Variants in GLIS1 observed in about 807,000 individuals in gnomAD.
The protein encoded by GLIS1 is GLIS family zinc finger 1.
Under a neutral mutation model 63.8 loss-of-function variants are expected in GLIS1, and 24 were observed. The ratio of observed to expected loss-of-function variants is 0.38; its 90% CI spans 0.27 to 0.53. The LOEUF (loss-of-function observed/expected upper bound fraction) is 0.53. Ranked by LOEUF, GLIS1 falls within the 20% of genes least tolerant of loss-of-function variation. The probability of loss-of-function intolerance (pLI) is 0.85; values close to 1 mark genes in which losing one functional copy is unlikely to be tolerated. For missense variants in GLIS1, 1,036 were observed against 1,074.1 expected (o/e 0.96, Z 0.50); for synonymous variants, 450 against 482.5 (o/e 0.93, Z 0.88).
intron 2 of GLIS1, among the ~76,000 whole-genome samples, chr1:53,645,400 C>T (rs1645833663): frequency 1.3e-5 from 2 of 152,194 alleles, no homozygotes; most frequent in African/African-American, 2.4e-5. Flanking sequence ...AGACAGGCTT[C>T]TGGAAGAAGA....
At position 53,700,435 on chromosome 1, in the gene GLIS1, G is replaced by A. The variant is rs183971884; in HGVS notation, c.259+37371C>T. ...AGCATCTGTGAAGTGCATACATCTC[G>A]GCCCAAGACAGGCTGTCAGGAAGGA... On this transcript the variant is annotated intron_variant, in intron 2 of 10. Coordinates refer to ENST00000628545, the MANE Select transcript of GLIS1 (RefSeq NM_001367484.1). Among the ~76,000 whole-genome samples the A allele has an allele frequency of 5.2e-3, 784 of 152,206 alleles. 8 individuals carry two copies. The highest frequency in any genetic ancestry group is 0.013 in the African/African-American group (529 of 41,514).
chr1:53,693,979 A>G (rs1646437113), intron 2 of GLIS1, among the ~76,000 whole-genome samples: 2 of 152,232 alleles, frequency 1.3e-5, no homozygotes, highest in African/African-American at 4.8e-5. Context: ...TGCCTGGGCC[A>G]GGCCTGACGG....
rs71063875 is a variant in GLIS1 at position 53,736,990 on chromosome 1, A to AG, written c.259+815dup. Among the ~76,000 whole-genome samples, 476 of 151,672 alleles carry AG rather than the reference A, an allele frequency of 3.1e-3. 3 individuals carry two copies. Among genetic ancestry groups the AG allele is most frequent in the African/African-American group, 6.9e-3 (286 of 41,432 alleles). On this transcript the variant is annotated intron_variant, in intron 2 of 10. Transcript: ENST00000628545. ...TTGGTTTCCCCTAAGGGAAAAAAAA[A>AG]GGGGGGAGGACGAGGACACAGCATC...
chr1:53,594,677 C>A lies in GLIS1; in HGVS notation c.751G>T (p.Ala251Ser). The A allele has an allele frequency of 6.4e-7, 1 of 1,552,144 alleles. No homozygotes were observed. Among genetic ancestry groups the A allele is most frequent in the Non-Finnish European group, 8.7e-7 (1 of 1,146,734 alleles). ...CVLGLPPTSPASSSPCASSDV... is the reference protein window; with the variant it reads ...CVLGLPPTSPSSSSPCASSDV... ...GAGGAGGCACAGGGTGAGGAGGAGG[C>A]TGGGGAGGTGGGGGGTAGGCCCAAG... The change falls in exon 4 of 11, where the codon GCC (alanine) becomes TCC (serine). Residue 251 changes from alanine to serine, a missense_variant. Around this residue, in one of 3 missense-constraint regions of GLIS1, gnomAD observed 592 missense variants for 593.9 expected, o/e 1.00. Coordinates refer to ENST00000628545, the MANE Select transcript of GLIS1 (RefSeq NM_001367484.1).
Position 53,526,923 on chromosome 1 carries a change from G to A in GLIS1, c.1483-2036C>T, listed in dbSNP as rs189018518. Among the ~76,000 whole-genome samples the A allele has an allele frequency of 3.3e-5, 5 of 152,368 alleles. No individual in the cohort carries two copies. The East Asian group carries it at 9.6e-4, about 29-fold the overall frequency. ...GAATGGCCATGTGGGCTGCAGCGCC[G>A]GGCGGCCTCCCTCTGTCTGTAATGA... On this transcript the variant is annotated intron_variant, in intron 5 of 10. Coordinates refer to ENST00000628545, the MANE Select transcript of GLIS1 (RefSeq NM_001367484.1). The surrounding 1 kb of genome is among the most constrained non-coding windows in gnomAD (Gnocchi z 4.4).
chr1:53,516,308 G>A (rs1644352313), intron 7 of GLIS1, among the ~76,000 whole-genome samples: 1 of 152,172 alleles, frequency 6.6e-6, no homozygotes. Context: ...GTTGGTTGGG[G>A]TTCCCAGGCT....
At chr1:53,533,006 C>T (rs1281171802) in intron 4 of GLIS1, among the ~76,000 whole-genome samples, 6 of 152,278 alleles carry the variant, frequency 3.9e-5, no homozygotes, top group East Asian at 1.9e-4. Context: ...CATGCAGACG[C>T]TCCACGCGTG....
At chr1:53,704,094 AC>A (rs1646551771) in intron 2 of GLIS1, among the ~76,000 whole-genome samples, 2 of 152,240 alleles carry the variant, frequency 1.3e-5, no homozygotes, top group Admixed American at 6.5e-5. Flanking sequence ...TAAACAAACA[AC>A]CCTTCTCCCT....
chr1:53,682,948 A>C (rs1385344685), intron 2 of GLIS1, among the ~76,000 whole-genome samples: 1 of 152,226 alleles, frequency 6.6e-6, no homozygotes, highest in Non-Finnish European at 1.5e-5. Flanking sequence ...GGGTATACAT[A>C]GGAGAGGAAT....
chr1:53,690,286 C>T (rs3013770), intron 2 of GLIS1, among the ~76,000 whole-genome samples: 98,799 of 152,140 alleles, frequency 0.65, 33,695 homozygotes, highest in Non-Finnish European at 0.74. Flanking sequence ...CTCACTGCCC[C>T]AGGCTCCGCT....
At chr1:53,670,936 A>G (rs1275488453) in intron 2 of GLIS1, among the ~76,000 whole-genome samples, 1 of 152,258 alleles carries the variant, frequency 6.6e-6, no homozygotes, top group East Asian at 1.9e-4. Flanking sequence ...CTGTGTAATT[A>G]TATCAGGGTG....
At position 53,529,994 on chromosome 1, in the gene GLIS1, C is replaced by T. The variant is rs756522847; in HGVS notation, c.1321-42G>A. The T allele has an allele frequency of 3.8e-6, 6 of 1,586,974 alleles. No homozygotes were observed. The Admixed American group carries it at 8.6e-5, about 23-fold the overall frequency. On this transcript the variant is annotated intron_variant, in intron 4 of 10. Transcript: ENST00000628545. The stretch of plus-strand genomic sequence containing the variant: ...TGAGGGGAACTCCCAGCCCGGTGGG[C>T]ACCCCAACCCTGCATGGAAACTAAC...
chr1:53,529,631 C>G (rs1369494468), intron 5 of GLIS1, among the ~76,000 whole-genome samples, 160 bp downstream of exon 5: 1 of 152,182 alleles, frequency 6.6e-6, no homozygotes, highest in Non-Finnish European at 1.5e-5. Context: ...GCTAAACATT[C>G]TAGAATGCAG....
intron 7 of GLIS1, among the ~76,000 whole-genome samples, 171 bp downstream of exon 7, chr1:53,520,463 T>C (rs893384008): frequency 6.6e-6 from 1 of 152,096 alleles, no homozygotes; most frequent in Admixed American, 6.5e-5. Flanking sequence ...AGGGAGAAGA[T>C]GGATTGGAAG....
chr1:53,514,514 T>C, intron 8 of GLIS1, 111 bp downstream of exon 8: 1 of 1,127,850 alleles, frequency 8.9e-7, no homozygotes, highest in Non-Finnish European at 1.3e-6. Flanking sequence ...AGGTTGGCTA[T>C]TTTCATTATC....
In GLIS1 at chr1:53,679,554, G is replaced by A. The variant is rs188244356; in HGVS notation, c.259+58252C>T. ...ACAGGCTGCCTGGCCCCTCCTGTTC[G>A]GGCCCCAGAAAGCCACTTGCCCCAT... is the stretch of plus-strand genomic sequence containing the variant. On this transcript the variant is annotated intron_variant, in intron 2 of 10. Coordinates refer to ENST00000628545, the MANE Select transcript of GLIS1 (RefSeq NM_001367484.1). Among the ~76,000 whole-genome samples the A allele has an allele frequency of 2.8e-3, 431 of 152,258 alleles. 3 individuals are homozygous for A. The highest frequency in any genetic ancestry group is 8.7e-3 in the African/African-American group (363 of 41,544).
At chr1:53,600,807 A>G (rs1645309390) in intron 2 of GLIS1, among the ~76,000 whole-genome samples, 1 of 152,190 alleles carries the variant, frequency 6.6e-6, no homozygotes, top group Admixed American at 6.5e-5. Context: ...CTCAGTCTAC[A>G]TTGTCTCCCA....
At chr1:53,654,512 G>C (rs986862789) in intron 2 of GLIS1, among the ~76,000 whole-genome samples, 1 of 152,204 alleles carries the variant, frequency 6.6e-6, no homozygotes, top group Non-Finnish European at 1.5e-5. Context: ...ATAGAAATTT[G>C]GGAGTCATCA....
chr1:53,625,256 A>G (rs1645582692), intron 2 of GLIS1, among the ~76,000 whole-genome samples: 1 of 152,250 alleles, frequency 6.6e-6, no homozygotes, highest in South Asian at 2.1e-4. Context: ...TTTGCCAGGA[A>G]GATGGGGCAA....
Sources: gnomAD v4.1 joint callset for allele counts (sites outside exome capture counted in the v4.1 genomes callset) on GRCh38, gnomAD v4.1.1 for gene constraint, gnomAD v4.1.1 regional missense constraint, Gnocchi (gnomAD v3.1) non-coding constraint, MANE v1.5 for transcripts, NCBI Gene and HGNC (gene_info 2026-07-23, HGNC 2026-07-21) for gene names.